INSC: variants seen among roughly 807,000 people sequenced by gnomAD.
The protein encoded by INSC is INSC spindle orientation adaptor protein, also known as protein inscuteable homolog.
INSC carries 67 observed loss-of-function variants against 58.6 expected under a neutral mutation model. The ratio of observed to expected loss-of-function variants is 1.14; its 90% CI spans 0.94 to 1.40. The LOEUF (loss-of-function observed/expected upper bound fraction) is 1.40. Ranked by LOEUF, INSC falls within the 40% of genes most tolerant of loss-of-function variation. The probability of loss-of-function intolerance (pLI) is 0.00; values close to 1 mark genes in which losing one functional copy is unlikely to be tolerated. For missense variants in INSC, 714 were observed against 692.0 expected (o/e 1.03, Z -0.36); for synonymous variants, 262 against 276.1 (o/e 0.95, Z 0.51).
the INSC span, among the ~76,000 whole-genome samples, chr11:15,263,145 G>C: frequency 6.6e-6 from 1 of 152,106 alleles, no homozygotes; most frequent in East Asian, 1.9e-4. Flanking sequence ...TGATGAACTG[G>C]AAGATATATC....
At chr11:15,245,532 C>T (rs1445178414) in intron 12 of INSC, among the ~76,000 whole-genome samples, 2 of 152,284 alleles carry the variant, frequency 1.3e-5, no homozygotes, top group Non-Finnish European at 2.9e-5. Context: ...TTCTCCCTCT[C>T]TTTTCCTCTT....
intron 7 of INSC, among the ~76,000 whole-genome samples, chr11:15,201,637 G>A (rs1343364327): frequency 6.6e-6 from 1 of 152,208 alleles, no homozygotes; most frequent in Non-Finnish European, 1.5e-5. Flanking sequence ...GTCTGAGCTT[G>A]CGGATAGGCT....
intron 7 of INSC, among the ~76,000 whole-genome samples, chr11:15,208,492 CTCCTG>C (rs1423799785): frequency 6.6e-6 from 1 of 152,226 alleles, no homozygotes; most frequent in Non-Finnish European, 1.5e-5. Context: ...CATACCAAGG[CTCCTG>C]TCTGTCTGTC....
At chr11:15,192,971 G>A (rs1850234431) in intron 6 of INSC, among the ~76,000 whole-genome samples, 1 of 152,206 alleles carries the variant, frequency 6.6e-6, no homozygotes, top group South Asian at 2.1e-4. Flanking sequence ...TCATGATTCT[G>A]TGAGGAGGGT....
At chr11:15,251,048 T>C (rs1234728861), downstream of INSC, among the ~76,000 whole-genome samples, 2 of 152,232 alleles carry the variant, frequency 1.3e-5, no homozygotes, top group Admixed American at 1.3e-4. Flanking sequence ...GTGCTTAACC[T>C]GTCTCATTCT....
chr11:15,184,898 A>G (rs576651004), intron 5 of INSC, among the ~76,000 whole-genome samples: 1 of 152,364 alleles, frequency 6.6e-6, no homozygotes, highest in South Asian at 2.1e-4. Context: ...TAAAACTTGT[A>G]TTGGCAATGA....
In INSC at chr11:15,236,908, A is replaced by G. The variant is rs963609601; in HGVS notation, c.1237+1240A>G. On this transcript the variant is annotated intron_variant, in intron 10 of 12. Transcript: ENST00000379556. Reference sequence around the variant, plus strand: ...ATTTTATGTGATTGAGCTAATAATGAGAAACTTTGCTGAGCCAGCTGAGGC... The same window carrying G: ...ATTTTATGTGATTGAGCTAATAATGGGAAACTTTGCTGAGCCAGCTGAGGC... Among the ~76,000 whole-genome samples, 5 of 152,318 alleles carry G rather than the reference A, an allele frequency of 3.3e-5. 1 individual carries two copies. The highest frequency in any genetic ancestry group is 3.3e-4 in the Admixed American group (5 of 15,294).
At chr11:15,172,871 C>A (rs900413902) in intron 2 of INSC, among the ~76,000 whole-genome samples, 4 of 151,960 alleles carry the variant, frequency 2.6e-5, no homozygotes, top group Non-Finnish European at 4.4e-5. Context: ...CTCATCTTAG[C>A]CTCAGGAGTT....
the INSC span, among the ~76,000 whole-genome samples, chr11:15,264,433 C>G: frequency 2.1e-5 from 3 of 143,970 alleles, no homozygotes; most frequent in African/African-American, 7.8e-5. Context: ...GGTCAGTAGC[C>G]TTAATTACAT....
In INSC at chr11:15,120,214, T is replaced by C. The variant is rs140643861; in HGVS notation, c.-46+5211T>C. 7.0e-4 allele frequency among the ~76,000 whole-genome samples: 107 copies of C among 152,328 alleles called. 1 individual carries two copies. Among genetic ancestry groups the C allele is most frequent in the Non-Finnish European group, 1.3e-3 (91 of 68,034 alleles). On this transcript the variant is annotated intron_variant, in intron 1 of 12. Transcript: ENST00000379556. ...AGAAAGTACAACCAAAACTGATTCA[T>C]TTATTCATGCCTCAGTATTAATTGA...
intron 12 of INSC, among the ~76,000 whole-genome samples, chr11:15,241,879 T>G (rs778089849): frequency 2.0e-5 from 3 of 152,224 alleles, no homozygotes; most frequent in Non-Finnish European, 4.4e-5. Context: ...TCTTGACTCA[T>G]GTGGACCATA....
chr11:15,184,342 A>G (rs977142752), intron 5 of INSC: 9 of 163,646 alleles, frequency 5.5e-5, no homozygotes, highest in Non-Finnish European at 8.1e-5. Flanking sequence ...TGATCTTCAC[A>G]ATTGTTTGTC....
chr11:15,235,683 C>T lies in INSC; in HGVS notation c.1237+15C>T. 5 of 1,601,778 alleles carry T rather than the reference C, an allele frequency of 3.1e-6. No individual in the cohort carries two copies. The highest frequency in any genetic ancestry group is 4.3e-6 in the Non-Finnish European group (5 of 1,168,984). ...TCAGGAAAATGGTATGTCTTTGCAG[C>T]ATTGTACATGTTATGTGGATTATCT... On this transcript the variant is annotated intron_variant, in intron 10 of 12. Coordinates refer to ENST00000379556, the MANE Select transcript of INSC (RefSeq NM_001042536.3).
chr11:15,189,363 T>TTTTG (rs1441388697), intron 5 of INSC, among the ~76,000 whole-genome samples: 3 of 137,906 alleles, frequency 2.2e-5, no homozygotes, highest in Non-Finnish European at 4.6e-5. Context: ...ATTTACACCA[T>TTTTG]TTTGTTTATT....
intron 1 of INSC, among the ~76,000 whole-genome samples, chr11:15,116,009 A>T (rs571759251): frequency 2.0e-5 from 3 of 152,124 alleles, no homozygotes; most frequent in Non-Finnish European, 4.4e-5. Context: ...TAAGTCAGGG[A>T]CTTTGGCTGT....
At chr11:15,148,480 C>T (rs1006531040) in intron 1 of INSC, among the ~76,000 whole-genome samples, 5 of 152,210 alleles carry the variant, frequency 3.3e-5, no homozygotes, top group African/African-American at 1.2e-4. Context: ...TTGCAACTCT[C>T]TGTTGGGAGA....
chr11:15,247,840 A>G (rs1190428613), downstream of INSC, among the ~76,000 whole-genome samples: 2 of 151,536 alleles, frequency 1.3e-5, no homozygotes, highest in African/African-American at 4.9e-5. Flanking sequence ...TATCATTATG[A>G]TCTCATCTGA....
chr11:15,257,781 A>G, the INSC span, among the ~76,000 whole-genome samples: 1 of 152,154 alleles, frequency 6.6e-6, no homozygotes, highest in Non-Finnish European at 1.5e-5. Flanking sequence ...GAAGCTAGAG[A>G]GAGGCCTGGA....
chr11:15,198,370 G>A (rs892736222), intron 6 of INSC, among the ~76,000 whole-genome samples: 5 of 152,142 alleles, frequency 3.3e-5, no homozygotes, highest in African/African-American at 1.2e-4. Context: ...AAAGTGCTAA[G>A]AAGGCCATTT....
Sources: gnomAD v4.1 joint callset for allele counts (sites outside exome capture counted in the v4.1 genomes callset) on GRCh38, gnomAD v4.1.1 for gene constraint, MANE v1.5 for transcripts, NCBI Gene and HGNC (gene_info 2026-07-23, HGNC 2026-07-21) for gene names.